The following VAV2 variants were observed in gnomAD, a reference collection of about 807,000 sequenced individuals.
VAV2 encodes the protein guanine nucleotide exchange factor VAV2.
In VAV2, 67 loss-of-function variants were observed where a neutral mutation model predicts 132.5. The observed-to-expected ratio is 0.51, with a 90% confidence interval of 0.42 to 0.62. The LOEUF (loss-of-function observed/expected upper bound fraction) is 0.62. Ranked by LOEUF, VAV2 falls within the 20% of genes least tolerant of loss-of-function variation. VAV2 has a pLI of 0.00. For missense variants in VAV2, 938 were observed against 1,153.6 expected (o/e 0.81, Z 2.71); for synonymous variants, 492 against 443.5 (o/e 1.11, Z -1.37).
intron 12 of VAV2, among the ~76,000 whole-genome samples, 161 bp from the exon 13 acceptor site, chr9:133,792,030 G>GTA: frequency 6.7e-6 from 1 of 148,904 alleles, no homozygotes; most frequent in South Asian, 2.2e-4. Flanking sequence ...TGGGTGGGGT[G>GTA]TGTGTGTGTG....
At chr9:133,870,631 G>T (rs971471633) in intron 2 of VAV2, among the ~76,000 whole-genome samples, 8 of 152,092 alleles carry the variant, frequency 5.3e-5, no homozygotes, top group African/African-American at 1.4e-4. Flanking sequence ...GAATCTTTGT[G>T]TCTTACACTC....
chr9:133,812,690 C>A (rs1391271442), intron 4 of VAV2, among the ~76,000 whole-genome samples: 2 of 152,170 alleles, frequency 1.3e-5, no homozygotes, highest in South Asian at 2.1e-4. Flanking sequence ...GTCCTTGGAT[C>A]CAAGGTGCAA....
intron 2 of VAV2, among the ~76,000 whole-genome samples, chr9:133,870,337 G>A (rs1040137672): frequency 3.9e-5 from 6 of 152,142 alleles, no homozygotes; most frequent in Non-Finnish European, 7.3e-5. Flanking sequence ...CCACTCACTC[G>A]AGCCAGGCAA....
At position 133,889,014 on chromosome 9, in the gene VAV2, T is replaced by TCCCC. The variant is rs1564438415; in HGVS notation, c.322-27583_322-27582insGGGG. On this transcript the variant is annotated intron_variant, in intron 2 of 29. Transcript: ENST00000371850. Reference sequence around the variant, plus strand: ...GGCAGGGACACCGCGTCCCCGTCCCTGGGGAAGCCTCACTTCTGAGGAGCT... The same window carrying TCCCC: ...GGCAGGGACACCGCGTCCCCGTCCCTCCCCGGGGAAGCCTCACTTCTGAGGAGCT... 7.9e-5 allele frequency among the ~76,000 whole-genome samples: 12 copies of TCCCC among 152,120 alleles called. No individual in the cohort carries two copies. In the South Asian group the frequency reaches 2.3e-3, roughly 29 times the overall value.
intron 2 of VAV2, among the ~76,000 whole-genome samples, chr9:133,929,512 G>A (rs983000617): frequency 7.2e-5 from 11 of 152,086 alleles, no homozygotes; most frequent in South Asian, 2.1e-4. Flanking sequence ...GAGGTTCCAC[G>A]GGGGTAGGGG....
chr9:133,851,869 G>A (rs1038164575), intron 3 of VAV2, among the ~76,000 whole-genome samples: 11 of 142,874 alleles, frequency 7.7e-5, no homozygotes, highest in African/African-American at 2.9e-4. Flanking sequence ...GGATAGGTGG[G>A]TGAATAAATG....
At chr9:133,795,357 G>A (rs964601937) in intron 12 of VAV2, among the ~76,000 whole-genome samples, 1 of 152,194 alleles carries the variant, frequency 6.6e-6, no homozygotes, top group Non-Finnish European at 1.5e-5. Flanking sequence ...CACTGGGCCA[G>A]AAAGCCCAGA....
intron 13 of VAV2, among the ~76,000 whole-genome samples, chr9:133,790,601 C>G (rs537189572): frequency 1.3e-5 from 2 of 152,372 alleles, no homozygotes; most frequent in African/African-American, 4.8e-5. Flanking sequence ...CAGGAGCTCA[C>G]GGCAGCACGG....
intron 3 of VAV2, among the ~76,000 whole-genome samples, chr9:133,843,120 C>T (rs1477760069): frequency 6.6e-6 from 1 of 152,214 alleles, no homozygotes; most frequent in African/African-American, 2.4e-5. Flanking sequence ...TGGGAGGAGG[C>T]CAGGTCGAAC....
At chr9:133,771,021 G>A (rs1284939510) in intron 26 of VAV2, among the ~76,000 whole-genome samples, 4 of 150,730 alleles carry the variant, frequency 2.7e-5, no homozygotes, top group South Asian at 2.1e-4. Context: ...GCTGGTTTCC[G>A]CTTTTGTTTT....
intron 1 of VAV2, among the ~76,000 whole-genome samples, chr9:133,955,952 C>T (rs694505): frequency 0.24 from 35,374 of 149,816 alleles, 4,272 homozygotes; most frequent in East Asian, 0.41. Context: ...TGGAGGCCCC[C>T]GCTCCGGGGA....
At chr9:133,973,060 G>A (rs1043384851) in intron 1 of VAV2, among the ~76,000 whole-genome samples, 1 of 151,914 alleles carries the variant, frequency 6.6e-6, no homozygotes, top group Non-Finnish European at 1.5e-5. Context: ...AGATGGGAAC[G>A]GTAAGGAATC....
chr9:133,967,944 A>AC (rs1439155301), intron 1 of VAV2, among the ~76,000 whole-genome samples: 6 of 151,550 alleles, frequency 4.0e-5, no homozygotes, highest in South Asian at 4.2e-4. Flanking sequence ...AAAAAAAAAA[A>AC]AAAAAAAAAA....
At chr9:133,988,764 A>G (rs534598029) in intron 1 of VAV2, among the ~76,000 whole-genome samples, 14 of 152,182 alleles carry the variant, frequency 9.2e-5, no homozygotes, top group Non-Finnish European at 2.1e-4. Context: ...TCTACTAAAA[A>G]TACAAAAAAG....
chr9:133,886,831 A>G (rs1199843916), intron 2 of VAV2, among the ~76,000 whole-genome samples: 1 of 152,220 alleles, frequency 6.6e-6, no homozygotes, highest in East Asian at 1.9e-4. Context: ...TTCATAATCC[A>G]TACTCCAGGG....
intron 2 of VAV2, among the ~76,000 whole-genome samples, chr9:133,898,855 G>A (rs1264274912): frequency 2.4e-4 from 30 of 124,794 alleles, no homozygotes; most frequent in African/African-American, 8.5e-4. Context: ...ACGGAGTCTC[G>A]CTGTCTCCCA....
intron 13 of VAV2, among the ~76,000 whole-genome samples, chr9:133,789,645 C>A (rs938682949): frequency 6.6e-6 from 1 of 152,132 alleles, no homozygotes; most frequent in African/African-American, 2.4e-5. Context: ...TCACAGAGGC[C>A]GCCGCTGTGT....
At chr9:133,868,364 G>A (rs551369261) in intron 2 of VAV2, among the ~76,000 whole-genome samples, 101 of 152,352 alleles carry the variant, frequency 6.6e-4, no homozygotes, top group African/African-American at 2.3e-3. Context: ...TGCGAATGGG[G>A]AAGAGCCCAG....
intron 3 of VAV2, among the ~76,000 whole-genome samples, chr9:133,851,539 T>G (rs555905435): frequency 1.6e-3 from 237 of 152,352 alleles, no homozygotes; most frequent in Non-Finnish European, 2.5e-3. Context: ...GCCTACTATG[T>G]GCCTGGGAGC....
Sources: allele counts gnomAD v4.1 joint callset (sites outside exome capture counted in the v4.1 genomes callset), GRCh38; gene constraint gnomAD v4.1.1; transcripts MANE v1.5; gene names NCBI Gene and HGNC (gene_info 2026-07-23, HGNC 2026-07-21).